The following INTS6 variants were observed in gnomAD, a reference collection of about 807,000 sequenced individuals.
The protein encoded by INTS6 is integrator complex subunit 6.
In INTS6, 16 loss-of-function variants were observed where a neutral mutation model predicts 104.9. That is an observed-to-expected ratio of 0.15 (90% CI 0.10 to 0.23). The LOEUF is 0.23. Among genes scored for constraint, INTS6 ranks in the 10% least tolerant of loss-of-function variants. INTS6 has a pLI of 1.00. For missense variants in INTS6, 584 were observed against 1,062.8 expected (o/e 0.55, Z 6.26); for synonymous variants, 324 against 358.7 (o/e 0.90, Z 1.09).
At position 51,452,059 on chromosome 13, in the gene INTS6, C is replaced by T. The variant is rs372614653; in HGVS notation, c.112-4G>A. 2 of 1,608,612 alleles carry T rather than the reference C, an allele frequency of 1.2e-6. No individual in the cohort carries two copies. Among genetic ancestry groups the T allele is most frequent in the Non-Finnish European group, 8.5e-7 (1 of 1,177,342 alleles). ...TGGCAGGGTCCCGGGCACGGAGCTG[C>T]GGGACGGGAGGAGGAACAGGGCGGG... On this transcript the variant is annotated splice_region_variant and splice_polypyrimidine_tract_variant and intron_variant, in intron 1 of 17. Transcript: ENST00000311234. This position sits in a 1 kb window ranked among gnomAD's most constrained non-coding sequence, Gnocchi z 4.2.
downstream of INTS6, among the ~76,000 whole-genome samples, chr13:51,359,167 A>G (rs1955523712): frequency 6.6e-6 from 1 of 152,046 alleles, no homozygotes; most frequent in South Asian, 2.1e-4. Context: ...AGCTGTCAAC[A>G]CTTCAGGGGA....
intron 4 of INTS6, among the ~76,000 whole-genome samples, chr13:51,418,673 T>C (rs574667274): frequency 6.6e-6 from 1 of 152,260 alleles, no homozygotes; most frequent in African/African-American, 2.4e-5. Flanking sequence ...GATTAAAAAA[T>C]CAAAACTTTT....
At position 51,452,463 on chromosome 13, in the gene INTS6, G is replaced by C. The variant is rs1002347563; in HGVS notation, c.63C>G (p.Gly21=). 4.3e-6 allele frequency: 7 copies of C among 1,612,228 alleles called. No homozygotes were observed. Among genetic ancestry groups the C allele is most frequent in the Non-Finnish European group, 5.9e-6 (7 of 1,178,890 alleles). The change falls in exon 1 of 18, where the codon GGC becomes GGG. Residue 21 remains glycine, a synonymous_variant. Transcript: ENST00000311234. The surrounding 1 kb of genome is among the most constrained non-coding windows in gnomAD (Gnocchi z 4.2). ...SASMNQRSHL[G]TTYLDTAKGA... Reference sequence around the variant, plus strand: ...CTTTGGCCGTGTCCAGGTAGGTGGTGCCCAGATGGCTGCGCTGGTTCATAG... The same window carrying C: ...CTTTGGCCGTGTCCAGGTAGGTGGTCCCCAGATGGCTGCGCTGGTTCATAG...
intron 4 of INTS6, among the ~76,000 whole-genome samples, chr13:51,404,009 G>A (rs1956499799): frequency 6.6e-6 from 1 of 151,268 alleles, no homozygotes; most frequent in Non-Finnish European, 1.5e-5. Context: ...GATTGCATGA[G>A]GCCAGGAGTT....
chr13:51,383,846 G>C lies in INTS6; in HGVS notation c.895-105C>G, dbSNP rs186924159. The C allele has an allele frequency of 3.2e-6, 3 of 937,092 alleles. No homozygotes were observed. The Admixed American group carries it at 8.1e-5, about 25-fold the overall frequency. 58.0% of individuals were successfully genotyped at this position (937,092 alleles called of 1,614,324 possible). ...CTCAGTTCCTCCGTCTTGCTAGTAA[G>C]AGTTTGATTTACTGCTAAAAGCAAC... On this transcript the variant is annotated intron_variant, in intron 7 of 17. Transcript: ENST00000311234.
intron 12 of INTS6, among the ~76,000 whole-genome samples, chr13:51,377,788 T>C (rs1251984992): frequency 6.6e-6 from 1 of 152,146 alleles, no homozygotes; most frequent in African/African-American, 2.4e-5. Context: ...TTGTTTTGGC[T>C]ATTCCAGGAC....
chr13:51,348,406 G>A, the INTS6 span: 4 of 1,612,996 alleles, frequency 2.5e-6, no homozygotes, highest in Non-Finnish European at 2.5e-6. Flanking sequence ...ATGTGTTCCT[G>A]CCCAGGTGAG....
chr13:51,349,990 G>A (rs1955389142), downstream of INTS6, among the ~76,000 whole-genome samples: 1 of 152,088 alleles, frequency 6.6e-6, no homozygotes, highest in Admixed American at 6.6e-5. Context: ...AACTCTCTTA[G>A]GTCTAGATTT....
chr13:51,433,746 AGAC>A (rs1957138520), intron 3 of INTS6, among the ~76,000 whole-genome samples: 1 of 152,238 alleles, frequency 6.6e-6, no homozygotes, highest in South Asian at 2.1e-4. Flanking sequence ...ACTTTTTCTT[AGAC>A]AACAAAACAA....
chr13:51,368,713 T>TTGCTC (rs1955740420), intron 16 of INTS6, among the ~76,000 whole-genome samples: 1 of 152,126 alleles, frequency 6.6e-6, no homozygotes, highest in Non-Finnish European at 1.5e-5. Flanking sequence ...CTGTACAGTG[T>TTGCTC]TGCTCTGCTC....
the INTS6 span, among the ~76,000 whole-genome samples, chr13:51,334,442 A>G: frequency 5.2e-3 from 794 of 152,298 alleles, 6 homozygotes; most frequent in African/African-American, 0.018. Flanking sequence ...ATAATCTATG[A>G]TAGGAGATGA....
Position 51,362,954 on chromosome 13 carries a change from A to G in INTS6, c.*2798T>C, listed in dbSNP as rs9535651. On this transcript the variant is annotated 3_prime_UTR_variant, in exon 18 of 18. Coordinates refer to ENST00000311234, the MANE Select transcript of INTS6 (RefSeq NM_012141.3). Reference sequence around the variant, plus strand: ...ATTTCACCATGATCATCCCAACCACATAACGATTAGATGAAAATATCACTT... The same window carrying G: ...ATTTCACCATGATCATCCCAACCACGTAACGATTAGATGAAAATATCACTT... 15,566 of 152,150 alleles carry G rather than the reference A, an allele frequency of 0.1. 1,141 individuals carry two copies. The highest frequency in any genetic ancestry group is 0.21 in the Admixed American group (3,196 of 15,240). 9.4% of individuals were successfully genotyped at this position (152,150 alleles called of 1,614,324 possible). A position where few individuals can be genotyped will look rare whatever the true frequency, so the allele number is the denominator to read the frequency against.
exon 4 of INTS6, chr13:51,354,320 A>G (rs772827503): frequency 5.3e-5 from 8 of 152,178 alleles, no homozygotes; most frequent in Non-Finnish European, 1.0e-4. Context: ...AAACTCTTTA[A>G]GTCTTGATTT....
intron 4 of INTS6, among the ~76,000 whole-genome samples, chr13:51,414,927 G>A (rs753390825): frequency 1.9e-4 from 29 of 150,692 alleles, no homozygotes; most frequent in Non-Finnish European, 3.7e-4. Flanking sequence ...TGATTTCACC[G>A]TCCAACAATC....
intron 10 of INTS6, among the ~76,000 whole-genome samples, chr13:51,380,797 CTAT>C (rs1481485512): frequency 6.6e-6 from 1 of 152,186 alleles, no homozygotes; most frequent in Admixed American, 6.5e-5. Context: ...GTTTTACCTA[CTAT>C]GATACACTAT....
chr13:51,364,219 ATTC>A lies in INTS6; in HGVS notation c.*1530_*1532del, dbSNP rs910313121. On this transcript the variant is annotated 3_prime_UTR_variant, in exon 18 of 18. Transcript: ENST00000311234. ...ATATGAAAATACTATATAATATTAA[ATTC>A]TTCTTTTTCTTGACAGGGTTTGTCT... is the stretch of plus-strand genomic sequence containing the variant. 5.3e-6 allele frequency: 7 copies of A among 1,325,606 alleles called. No homozygotes were observed. The highest frequency in any genetic ancestry group is 4.4e-5 in the African/African-American group (3 of 67,884). The allele number at this position is 1,325,606 out of a possible 1,614,324, so 82.1% of individuals were successfully genotyped here. A position where few individuals can be genotyped will look rare whatever the true frequency, so the allele number is the denominator to read the frequency against.
chr13:51,384,472 C>A, intron 7 of INTS6: 1 of 345,080 alleles, frequency 2.9e-6, no homozygotes, highest in Non-Finnish European at 5.7e-6. Flanking sequence ...CTCTATTGGC[C>A]TCAGTTACTG....
intron 4 of INTS6, among the ~76,000 whole-genome samples, chr13:51,425,931 G>A (rs939436739): frequency 2.0e-5 from 3 of 151,842 alleles, no homozygotes; most frequent in African/African-American, 7.3e-5. Context: ...CTCCTCGTAA[G>A]TGAAAATGCT....
At position 51,369,122 on chromosome 13, in the gene INTS6, G is replaced by A; in HGVS notation, c.2293C>T (p.Leu765Phe). 1.2e-6 allele frequency: 2 copies of A among 1,613,830 alleles called. No homozygotes were observed. The highest frequency in any genetic ancestry group is 2.2e-5 in the East Asian group (1 of 44,856). The change falls in exon 16 of 18, where the codon CTC becomes TTC. Residue 765 changes from leucine to phenylalanine, a missense_variant. Around this residue, in one of 5 missense-constraint regions of INTS6, gnomAD observed 296 missense variants for 437.0 expected, o/e 0.68. Transcript: ENST00000311234. ...LGHDHLGTND[L>F]TVGGFLENHE... is the part of the protein sequence containing the mutation. The stretch of plus-strand genomic sequence containing the variant: ...TTTTCTAAAAATCCACCAACAGTGA[G>A]GTCATTGGTTCCTAAATGGTCATGA...
Sources: gnomAD v4.1 joint callset for allele counts (sites outside exome capture counted in the v4.1 genomes callset) on GRCh38, gnomAD v4.1.1 for gene constraint, gnomAD v4.1.1 regional missense constraint, Gnocchi (gnomAD v3.1) non-coding constraint, MANE v1.5 for transcripts, NCBI Gene and HGNC (gene_info 2026-07-23, HGNC 2026-07-21) for gene names.